The following LPAR6 variants were observed in gnomAD, a reference collection of about 807,000 sequenced individuals.
LPAR6 encodes the protein lysophosphatidic acid receptor 6.
In LPAR6, 17 loss-of-function variants were observed where a neutral mutation model predicts 22.0. That is an observed-to-expected ratio of 0.77 (90% confidence interval 0.53 to 1.16). LPAR6 has a LOEUF of 1.16. Ranked by LOEUF, LPAR6 falls within the 50% of genes most tolerant of loss-of-function variation. The pLI, the probability that LPAR6 is intolerant of heterozygous loss-of-function variation, is 0.00. For synonymous variants in LPAR6, 136 were observed against 139.8 expected, an observed-to-expected ratio of 0.97 and a Z score of 0.19; for missense variants, 384 against 406.9, an observed-to-expected ratio of 0.94 and a Z score of 0.48.
In LPAR6 at chr13:48,421,857, G is replaced by C. The variant is rs916473523; in HGVS notation, c.-954+793C>G. On this transcript the variant is annotated intron_variant, in intron 2 of 4. Coordinates refer to the LPAR6 transcript ENST00000345941. ...CCGTTAGAATGGCGATTATTAAAAC[G>C]TCAGGAAACAACAGATGCTGGAGAG... Among the ~76,000 whole-genome samples, 11 of 152,264 alleles carry C rather than the reference G, an allele frequency of 7.2e-5. No individual in the cohort carries two copies. The East Asian group carries it at 2.1e-3, about 29-fold the overall frequency.
chr13:48,407,066 C>T (rs1948746677), downstream of LPAR6, among the ~76,000 whole-genome samples: 1 of 152,162 alleles, frequency 6.6e-6, no homozygotes, highest in African/African-American at 2.4e-5. Context: ...TTCCAGAAGC[C>T]ATTTTGATAG....
downstream of LPAR6, among the ~76,000 whole-genome samples, chr13:48,410,353 A>G (rs1391076441): frequency 6.6e-6 from 1 of 152,226 alleles, no homozygotes; most frequent in African/African-American, 2.4e-5. Flanking sequence ...ATAGGTTTGT[A>G]GCCTAGAAGC....
chr13:48,409,066 T>C (rs1391750889), downstream of LPAR6, among the ~76,000 whole-genome samples: 1 of 152,042 alleles, frequency 6.6e-6, no homozygotes, highest in Non-Finnish European at 1.5e-5. Flanking sequence ...AGAAAACACA[T>C]TTATATTATG....
At chr13:48,441,692 A>C (rs1949238274) in intron 1 of LPAR6, among the ~76,000 whole-genome samples, 1 of 152,204 alleles carries the variant, frequency 6.6e-6, no homozygotes, top group Non-Finnish European at 1.5e-5. Flanking sequence ...AGCAATTTTT[A>C]ACAAAAAAGT....
At chr13:48,422,551 G>A (rs1446617236) in intron 2 of LPAR6, 1 of 151,960 alleles carries the variant, frequency 6.6e-6, no homozygotes, top group African/African-American at 2.4e-5. Context: ...CTTTTTTTAG[G>A]ACTGTTGCCA....
At chr13:48,440,959 T>A (rs547175395) in intron 1 of LPAR6, among the ~76,000 whole-genome samples, 242 of 152,278 alleles carry the variant, frequency 1.6e-3, no homozygotes, top group African/African-American at 5.5e-3. Context: ...AAAAAAAGAA[T>A]CCTGCAGACA....
At chr13:48,424,357 A>G (rs1949049950) in intron 1 of LPAR6, among the ~76,000 whole-genome samples, 1 of 152,198 alleles carries the variant, frequency 6.6e-6, no homozygotes, top group South Asian at 2.1e-4. Context: ...AATGTGAGTC[A>G]TCTACCCAAG....
intron 1 of LPAR6, chr13:48,426,855 T>TG (rs1397754317): frequency 3.3e-5 from 5 of 152,258 alleles, no homozygotes; most frequent in African/African-American, 4.8e-5. Flanking sequence ...TTTAGTTGGC[T>TG]CACGGTTCTT....
rs555175983 is a variant in LPAR6, at chr13:48,401,102, A to C, written n.115-11290T>G. Among the ~76,000 whole-genome samples, 125 of 152,208 alleles carry C rather than the reference A, an allele frequency of 8.2e-4. 1 individual carries two copies. Among genetic ancestry groups the C allele is most frequent in the South Asian group, 6.6e-3 (32 of 4,822 alleles). ...ATGAATCATGTCAGTAATTACCCTG[A>C]GGGTGGTGTTAGTTCACTATTCAAG... On this transcript the variant is annotated intron_variant and non_coding_transcript_variant, in intron 1 of 1. Coordinates refer to the LPAR6 transcript ENST00000462781.
chr13:48,415,047 T>C (rs1948885248), upstream of LPAR6, among the ~76,000 whole-genome samples: 1 of 152,124 alleles, frequency 6.6e-6, no homozygotes, highest in African/African-American at 2.4e-5. Context: ...TTAGTAATCT[T>C]CTTTCAAATT....
chr13:48,433,741 G>C (rs1039114494), intron 1 of LPAR6, among the ~76,000 whole-genome samples: 18 of 148,358 alleles, frequency 1.2e-4, no homozygotes, highest in African/African-American at 4.0e-4. Context: ...GATATCTTTT[G>C]GAAAACTTTC....
At chr13:48,397,143 G>A (rs1948655146) in intron 1 of LPAR6, among the ~76,000 whole-genome samples, 1 of 152,140 alleles carries the variant, frequency 6.6e-6, no homozygotes, top group Admixed American at 6.5e-5. Context: ...TCCCATTACT[G>A]AGCATATACC....
intron 1 of LPAR6, among the ~76,000 whole-genome samples, chr13:48,441,888 A>T (rs1949240546): frequency 6.6e-6 from 1 of 152,168 alleles, no homozygotes; most frequent in Non-Finnish European, 1.5e-5. Context: ...TAATTATAGG[A>T]CCTATTTATT....
At chr13:48,436,169 A>G (rs905188190) in intron 1 of LPAR6, among the ~76,000 whole-genome samples, 1 of 152,226 alleles carries the variant, frequency 6.6e-6, no homozygotes, top group Non-Finnish European at 1.5e-5. Context: ...TTGAAAGACC[A>G]TCTCATAGCT....
intron 1 of LPAR6, among the ~76,000 whole-genome samples, chr13:48,423,713 T>C (rs1949041236): frequency 6.6e-6 from 1 of 152,136 alleles, no homozygotes; most frequent in Admixed American, 6.6e-5. Context: ...TGAGAGAGTA[T>C]GTGAGACTTA....
chr13:48,420,815 G>GCATA (rs1292019610), intron 2 of LPAR6, among the ~76,000 whole-genome samples: 11 of 151,998 alleles, frequency 7.2e-5, no homozygotes, highest in Non-Finnish European at 2.9e-5. Flanking sequence ...AAATACCTAG[G>GCATA]CATACAACAC....
intron 1 of LPAR6, among the ~76,000 whole-genome samples, chr13:48,423,469 T>C (rs1344862287): frequency 6.6e-6 from 1 of 152,202 alleles, no homozygotes; most frequent in Non-Finnish European, 1.5e-5. Context: ...GAAACATGTA[T>C]AAGATTAAAT....
chr13:48,429,618 C>T (rs1319696272), upstream of LPAR6: 1 of 151,278 alleles, frequency 6.6e-6, no homozygotes, highest in Non-Finnish European at 1.5e-5. Flanking sequence ...CTTGACCTTA[C>T]GTAAAGAGAT....
intron 1 of LPAR6, among the ~76,000 whole-genome samples, chr13:48,441,404 C>T (rs1026307973): frequency 2.0e-5 from 3 of 152,254 alleles, no homozygotes; most frequent in South Asian, 4.1e-4. Flanking sequence ...GAATGACCAA[C>T]GGGTTTCCAA....
Sources: allele counts gnomAD v4.1 joint callset (sites outside exome capture counted in the v4.1 genomes callset), GRCh38; gene constraint gnomAD v4.1.1; transcripts MANE v1.5; gene names NCBI Gene and HGNC (gene_info 2026-07-23, HGNC 2026-07-21).